PLCE1: variants seen among roughly 807,000 people sequenced by gnomAD.
The protein encoded by PLCE1 is phospholipase C epsilon 1.
In PLCE1, 119 loss-of-function variants were observed where a neutral mutation model predicts 242.8. That is an observed-to-expected ratio of 0.49 (90% CI 0.42 to 0.57). The LOEUF is 0.57. Among genes scored for constraint, PLCE1 ranks in the 20% least tolerant of loss-of-function variants. The pLI is 0.00. For synonymous variants in PLCE1, 945 were observed against 1,017.4 expected, an observed-to-expected ratio of 0.93 and a Z score of 1.35; for missense variants, 2,441 against 2,788.8, an observed-to-expected ratio of 0.88 and a Z score of 2.81.
intron 1 of PLCE1, among the ~76,000 whole-genome samples, chr10:94,028,209 G>A (rs1160768581): frequency 3.9e-5 from 6 of 152,196 alleles, no homozygotes; most frequent in South Asian, 4.1e-4. Context: ...CTGTGGTCAG[G>A]AATTTGGGAC....
chr10:94,110,755 G>C (rs2045930279), intron 2 of PLCE1, among the ~76,000 whole-genome samples: 1 of 152,140 alleles, frequency 6.6e-6, no homozygotes, highest in Non-Finnish European at 1.5e-5. Flanking sequence ...ATGGGAAAAG[G>C]GTGTTTTACT....
rs1282784868 is a variant in PLCE1 at position 94,080,540 on chromosome 10, C to T, written c.1206+48288C>T. Reference sequence around the variant, plus strand: ...AGTGAATGAACAAATGAGGCCTGTACTTCTCTGGATTCCGAGTCAGCTTCT... The same window carrying T: ...AGTGAATGAACAAATGAGGCCTGTATTTCTCTGGATTCCGAGTCAGCTTCT... On this transcript the variant is annotated intron_variant, in intron 2 of 32. Coordinates refer to ENST00000371380, the MANE Select transcript of PLCE1 (RefSeq NM_016341.4). Among the ~76,000 whole-genome samples, 7 of 152,222 alleles carry T rather than the reference C, an allele frequency of 4.6e-5. No individual in the cohort carries two copies. In the East Asian group the frequency reaches 1.3e-3, roughly 29 times the overall value.
intron 2 of PLCE1, among the ~76,000 whole-genome samples, chr10:94,117,804 G>T (rs2046179588): frequency 6.6e-6 from 1 of 152,144 alleles, no homozygotes; most frequent in South Asian, 2.1e-4. Context: ...GCACCCAATT[G>T]TTTAGAGCTC....
At position 94,324,475 on chromosome 10, in the gene PLCE1, C is replaced by T. The variant is rs1363480647; in HGVS notation, c.6628C>T (p.Arg2210Trp). The stretch of plus-strand genomic sequence containing the variant: ...GACTACCACACCAAAGTCCTCTCAG[C>T]GGGTCCTTCTGGATCAGGAGTGTGT... ...KKTTTPKSSQ[R>W]VLLDQECVFQ... Residue 2210 changes from arginine to tryptophan, a missense_variant, in exon 31 of 33, where the codon CGG becomes TGG. By Grantham distance (101) the Arg-to-Trp change is moderately radical (BLOSUM62 -3). Transcript: ENST00000371380. The T allele has an allele frequency of 3.1e-6, 5 of 1,613,940 alleles. No individual in the cohort carries two copies. Among genetic ancestry groups the T allele is most frequent in the Admixed American group, 1.7e-5 (1 of 60,000 alleles).
chr10:93,999,712 C>G (rs963056156), intron 1 of PLCE1, among the ~76,000 whole-genome samples: 3 of 151,692 alleles, frequency 2.0e-5, no homozygotes, highest in African/African-American at 7.3e-5. Flanking sequence ...CCGCCTCGCT[C>G]ACCACAGACC....
intron 2 of PLCE1, among the ~76,000 whole-genome samples, chr10:94,066,602 T>C (rs1389803079): frequency 1.3e-5 from 2 of 152,138 alleles, no homozygotes. Context: ...ACAGCATTCC[T>C]TGGACGCTCC....
At chr10:94,071,882 A>G (rs2044371934) in intron 2 of PLCE1, among the ~76,000 whole-genome samples, 1 of 151,874 alleles carries the variant, frequency 6.6e-6, no homozygotes, top group East Asian at 1.9e-4. Context: ...TCTTAGTATT[A>G]ACTCTTATCT....
At chr10:94,227,211 T>C (rs1199031578) in intron 4 of PLCE1, 95 bp from the exon 5 acceptor site, 3 of 1,198,844 alleles carry the variant, frequency 2.5e-6, no homozygotes, top group Non-Finnish European at 3.7e-6. Context: ...TAATACCAAA[T>C]TGATATTTTT....
At chr10:94,140,539 A>G (rs1444344754) in intron 3 of PLCE1, among the ~76,000 whole-genome samples, 2 of 152,198 alleles carry the variant, frequency 1.3e-5, no homozygotes, top group Non-Finnish European at 2.9e-5. Context: ...TGAGACTCCC[A>G]TCAAGTTTTC....
At chr10:94,007,630 T>C (rs1333840903) in intron 1 of PLCE1, among the ~76,000 whole-genome samples, 1 of 148,714 alleles carries the variant, frequency 6.7e-6, no homozygotes, top group Non-Finnish European at 1.5e-5. Flanking sequence ...GAATACATTC[T>C]TGTTTCTAAA....
intron 29 of PLCE1, among the ~76,000 whole-genome samples, chr10:94,319,814 T>C (rs570154393): frequency 6.6e-6 from 1 of 150,760 alleles, no homozygotes; most frequent in South Asian, 2.1e-4. Context: ...TTCGAACTAA[T>C]GTGGCTAGAA....
chr10:94,122,773 C>T (rs2046335162), intron 2 of PLCE1, among the ~76,000 whole-genome samples: 1 of 152,172 alleles, frequency 6.6e-6, no homozygotes, highest in African/African-American at 2.4e-5. Flanking sequence ...TTTTCAAACT[C>T]TAGCAGGAAT....
At chr10:94,136,969 G>A (rs1180427687) in intron 3 of PLCE1, among the ~76,000 whole-genome samples, 1 of 152,282 alleles carries the variant, frequency 6.6e-6, no homozygotes, top group East Asian at 1.9e-4. Context: ...GAGGCGGGCA[G>A]ATCATGAGGT....
intron 2 of PLCE1, chr10:94,100,573 A>C (rs954850622): frequency 1.1e-4 from 16 of 152,118 alleles, no homozygotes; most frequent in Non-Finnish European, 1.8e-4. Flanking sequence ...CAATGAAATC[A>C]TTGGTCTTTG....
At chr10:94,200,886 A>C (rs942569863) in intron 4 of PLCE1, among the ~76,000 whole-genome samples, 5 of 152,182 alleles carry the variant, frequency 3.3e-5, no homozygotes, top group Non-Finnish European at 7.3e-5. Flanking sequence ...ACCAAATCCC[A>C]AGTTAAGGGG....
intron 2 of PLCE1, among the ~76,000 whole-genome samples, chr10:94,051,297 A>AAG: frequency 6.7e-6 from 1 of 150,286 alleles, no homozygotes; most frequent in South Asian, 2.1e-4. Flanking sequence ...AAAAAAAAAA[A>AAG]AAAAAAAAAA....
chr10:94,264,443 G>A (rs1469828692), intron 14 of PLCE1, among the ~76,000 whole-genome samples: 2 of 151,924 alleles, frequency 1.3e-5, no homozygotes, highest in African/African-American at 2.4e-5. Context: ...GCTTGATAAG[G>A]AGGTTGGCTT....
At chr10:94,245,305 C>T (rs1057495241) in intron 7 of PLCE1, among the ~76,000 whole-genome samples, 1 of 151,758 alleles carries the variant, frequency 6.6e-6, no homozygotes. Context: ...GGATTTAGTA[C>T]AAAAAATGTA....
intron 29 of PLCE1, among the ~76,000 whole-genome samples, chr10:94,320,151 A>C (rs576505834): frequency 5.9e-5 from 9 of 152,226 alleles, no homozygotes; most frequent in African/African-American, 2.2e-4. Context: ...TGACTGGTTA[A>C]ATATATGATG....
Sources: allele counts gnomAD v4.1 joint callset (sites outside exome capture counted in the v4.1 genomes callset), GRCh38; gene constraint gnomAD v4.1.1; transcripts MANE v1.5; gene names NCBI Gene and HGNC (gene_info 2026-07-23, HGNC 2026-07-21).